The following PTPRD variants were observed in gnomAD, a reference collection of about 807,000 sequenced individuals.
PTPRD encodes the protein protein tyrosine phosphatase receptor type D.
Under a neutral mutation model 214.5 loss-of-function variants are expected in PTPRD, and 34 were observed. The observed-to-expected ratio is 0.16, with a 90% confidence interval of 0.12 to 0.21. The LOEUF (loss-of-function observed/expected upper bound fraction) is 0.21. Among genes scored for constraint, PTPRD ranks in the 10% least tolerant of loss-of-function variants. The pLI is 1.00. For missense variants in PTPRD, 2,545 were observed against 2,398.7 expected (o/e 1.06, Z -1.27); for synonymous variants, 1,128 against 845.7 (o/e 1.33, Z -5.79).
chr9:9,234,557 C>T (rs1008731807), intron 9 of PTPRD, among the ~76,000 whole-genome samples: 18 of 152,128 alleles, frequency 1.2e-4, no homozygotes, highest in Non-Finnish European at 1.8e-4. Flanking sequence ...TGACATCACC[C>T]GGCTGCAAAT....
intron 8 of PTPRD, among the ~76,000 whole-genome samples, chr9:9,481,271 C>G (rs1441986912): frequency 6.6e-6 from 1 of 152,050 alleles, no homozygotes; most frequent in Non-Finnish European, 1.5e-5. Context: ...GTATCAAAGT[C>G]CAACAGAGGC....
intron 8 of PTPRD, among the ~76,000 whole-genome samples, chr9:9,431,649 C>A (rs1004776906): frequency 6.6e-6 from 1 of 152,028 alleles, no homozygotes; most frequent in South Asian, 2.1e-4. Flanking sequence ...GACTTGGAAG[C>A]AACCCAAATG....
At chr9:9,655,448 G>A (rs10977915) in intron 7 of PTPRD, among the ~76,000 whole-genome samples, 21,456 of 150,372 alleles carry the variant, frequency 0.14, 1,999 homozygotes, top group African/African-American at 0.26. Flanking sequence ...ATGTGTTTGT[G>A]GTCCCAGCTA....
chr9:9,568,469 G>A (rs960490753), intron 8 of PTPRD, among the ~76,000 whole-genome samples: 2 of 151,790 alleles, frequency 1.3e-5, no homozygotes, highest in African/African-American at 4.8e-5. Flanking sequence ...TATGTGACAT[G>A]TAATAAATAC....
chr9:10,478,844 G>T (rs1196524856), intron 2 of PTPRD, among the ~76,000 whole-genome samples: 2 of 151,686 alleles, frequency 1.3e-5, no homozygotes, highest in African/African-American at 4.8e-5. Context: ...AACTGAAACT[G>T]AACAAGAAAA....
chr9:8,384,736 C>T (rs2086374725), intron 37 of PTPRD, among the ~76,000 whole-genome samples: 2 of 152,004 alleles, frequency 1.3e-5, no homozygotes, highest in Non-Finnish European at 2.9e-5. Flanking sequence ...TTGTTGGTCA[C>T]GCTGGTCTCG....
chr9:9,612,960 G>A (rs1299730760), intron 7 of PTPRD, among the ~76,000 whole-genome samples: 2 of 151,370 alleles, frequency 1.3e-5, no homozygotes, highest in East Asian at 1.9e-4. Flanking sequence ...CACTTCTGTA[G>A]ACCGGTGGTT....
intron 14 of PTPRD, among the ~76,000 whole-genome samples, chr9:8,565,773 T>C (rs1397898623): frequency 1.3e-5 from 2 of 152,218 alleles, no homozygotes; most frequent in Non-Finnish European, 2.9e-5. Flanking sequence ...GCATAGTTTA[T>C]GAGACGCTTA....
intron 36 of PTPRD, among the ~76,000 whole-genome samples, chr9:8,396,599 G>A (rs916295688): frequency 2.6e-5 from 4 of 152,090 alleles, no homozygotes; most frequent in Non-Finnish European, 4.4e-5. Context: ...TTTACTCTTC[G>A]ATTAGCTTTC....
intron 7 of PTPRD, among the ~76,000 whole-genome samples, chr9:9,588,430 A>C (rs1315999259): frequency 6.6e-6 from 1 of 151,982 alleles, no homozygotes; most frequent in African/African-American, 2.4e-5. Context: ...GAGAACAGCC[A>C]ATCAACTTAG....
At chr9:9,797,475 G>T (rs2099010401) in intron 5 of PTPRD, among the ~76,000 whole-genome samples, 1 of 151,886 alleles carries the variant, frequency 6.6e-6, no homozygotes, top group Non-Finnish European at 1.5e-5. Flanking sequence ...ATAATAGATG[G>T]ACCAAAAATC....
chr9:9,591,540 C>T (rs2092731459), intron 7 of PTPRD, among the ~76,000 whole-genome samples: 2 of 152,012 alleles, frequency 1.3e-5, no homozygotes, highest in South Asian at 4.1e-4. Context: ...ACATAGTAAA[C>T]GAGTGTTGTT....
At chr9:8,411,645 T>C (rs2093537554) in intron 35 of PTPRD, among the ~76,000 whole-genome samples, 1 of 152,180 alleles carries the variant, frequency 6.6e-6, no homozygotes, top group Non-Finnish European at 1.5e-5. Context: ...TTCCTGAATA[T>C]TACTAAATGC....
intron 2 of PTPRD, among the ~76,000 whole-genome samples, chr9:10,397,241 A>T (rs1056982158): frequency 6.6e-6 from 1 of 152,056 alleles, no homozygotes. Flanking sequence ...GTGACTTGTC[A>T]CAAATTAACT....
intron 3 of PTPRD, among the ~76,000 whole-genome samples, chr9:10,123,424 G>C (rs1051950564): frequency 2.0e-5 from 3 of 152,206 alleles, no homozygotes; most frequent in African/African-American, 7.2e-5. Context: ...ACAAAAGATA[G>C]TATTTGCTTT....
intron 3 of PTPRD, among the ~76,000 whole-genome samples, chr9:10,160,105 A>G (rs1373715438): frequency 6.6e-6 from 1 of 152,064 alleles, no homozygotes; most frequent in Non-Finnish European, 1.5e-5. Context: ...CCACTTCACC[A>G]ATAAAGGCAC....
At position 8,883,544 on chromosome 9, in the gene PTPRD, T is replaced by A. The variant is rs528455160; in HGVS notation, c.-104+135153A>T. 8.5e-5 allele frequency among the ~76,000 whole-genome samples: 13 copies of A among 152,284 alleles called. No individual in the cohort carries two copies. In the South Asian group the frequency reaches 2.7e-3, roughly 32 times the overall value. ...ACACCTGCTGGGAACTATGAGTAAC[T>A]ATCCCTAAGGTCAGACTTAATTGGA... On this transcript the variant is annotated intron_variant, in intron 11 of 45. Coordinates refer to ENST00000381196, the MANE Select transcript of PTPRD (RefSeq NM_002839.4).
At chr9:8,506,753 C>T (rs1323552083) in intron 22 of PTPRD, among the ~76,000 whole-genome samples, 2 of 152,152 alleles carry the variant, frequency 1.3e-5, no homozygotes, top group African/African-American at 4.8e-5. Context: ...AATTGCCATG[C>T]CTTCTACAAT....
intron 11 of PTPRD, among the ~76,000 whole-genome samples, chr9:8,751,421 A>G (rs199974846): frequency 4.4e-5 from 1 of 22,910 alleles, no homozygotes; most frequent in Non-Finnish European, 1.5e-4. Flanking sequence ...AAAAGAAAAG[A>G]AAAAAAAATA....
Sources: allele counts gnomAD v4.1 joint callset (sites outside exome capture counted in the v4.1 genomes callset), GRCh38; gene constraint gnomAD v4.1.1; transcripts MANE v1.5; gene names NCBI Gene and HGNC (gene_info 2026-07-23, HGNC 2026-07-21).